Variants in CDKAL1 observed in about 807,000 individuals in gnomAD.
The protein encoded by CDKAL1 is threonylcarbamoyladenosine tRNA methylthiotransferase.
CDKAL1 carries 32 observed loss-of-function variants against 68.2 expected under a neutral mutation model. The observed-to-expected ratio is 0.47, with a 90% confidence interval of 0.35 to 0.63. CDKAL1 has a LOEUF of 0.63. Among genes scored for constraint, CDKAL1 ranks in the 30% least tolerant of loss-of-function variants. The probability of loss-of-function intolerance (pLI) is 0.00; values close to 1 mark genes in which losing one functional copy is unlikely to be tolerated. For synonymous variants in CDKAL1, 234 were observed against 244.3 expected (o/e 0.96, Z 0.39); for missense variants, 606 against 696.7 (o/e 0.87, Z 1.47).
At chr6:20,588,076 G>A (rs543210896) in intron 4 of CDKAL1, among the ~76,000 whole-genome samples, 4 of 152,106 alleles carry the variant, frequency 2.6e-5, no homozygotes, top group African/African-American at 4.8e-5. Flanking sequence ...CAGCCTGGGC[G>A]ACAGAGCAAG....
At chr6:21,049,930 A>C (rs1011070889) in intron 11 of CDKAL1, among the ~76,000 whole-genome samples, 2 of 151,098 alleles carry the variant, frequency 1.3e-5, no homozygotes, top group African/African-American at 4.9e-5. Flanking sequence ...AGTTTGTTGC[A>C]TTTTAAATTC....
Position 20,733,828 on chromosome 6 carries a change from G to C in CDKAL1, c.372-5691G>C, listed in dbSNP as rs537054185. ...GGGAATGATATTTTGTCATCTTTAA[G>C]TATTTTTTATTATGCTATGAATTTT... On this transcript the variant is annotated intron_variant, in intron 5 of 15. Coordinates refer to ENST00000274695, the MANE Select transcript of CDKAL1 (RefSeq NM_017774.3). Among the ~76,000 whole-genome samples the C allele has an allele frequency of 2.0e-5, 3 of 152,212 alleles. No individual in the cohort carries two copies. The South Asian group carries it at 6.2e-4, about 32-fold the overall frequency.
intron 15 of CDKAL1, among the ~76,000 whole-genome samples, chr6:21,227,068 C>G (rs1250817243): frequency 2.0e-5 from 3 of 152,184 alleles, no homozygotes; most frequent in African/African-American, 7.2e-5. Context: ...TTGAGCGATG[C>G]AGATATGTAT....
intron 13 of CDKAL1, among the ~76,000 whole-genome samples, chr6:21,165,892 T>C (rs1355286014): frequency 6.6e-6 from 1 of 152,200 alleles, no homozygotes; most frequent in Non-Finnish European, 1.5e-5. Context: ...ACACTTGAAC[T>C]TAAAGCCTAG....
At chr6:21,077,219 CTATTT>C (rs1772120627) in intron 12 of CDKAL1, among the ~76,000 whole-genome samples, 1 of 152,138 alleles carries the variant, frequency 6.6e-6, no homozygotes, top group African/African-American at 2.4e-5. Context: ...CTTTCACCTT[CTATTT>C]TATTATGAAT....
intron 5 of CDKAL1, among the ~76,000 whole-genome samples, chr6:20,707,176 A>T (rs1254089667): frequency 1.3e-5 from 2 of 152,184 alleles, no homozygotes; most frequent in Non-Finnish European, 2.9e-5. Context: ...GCATGATTTA[A>T]TTTGGAGCAG....
At chr6:20,556,930 C>T (rs1320448127) in intron 4 of CDKAL1, among the ~76,000 whole-genome samples, 1 of 150,970 alleles carries the variant, frequency 6.6e-6, no homozygotes, top group African/African-American at 2.4e-5. Context: ...CCCACCTACT[C>T]GGGAGGCTGA....
At chr6:21,011,167 A>T (rs1422461148) in intron 11 of CDKAL1, among the ~76,000 whole-genome samples, 1 of 150,956 alleles carries the variant, frequency 6.6e-6, no homozygotes, top group South Asian at 2.1e-4. Context: ...TCACAAGGTC[A>T]GGGGATTGAG....
At chr6:21,098,269 A>G (rs545784767) in intron 12 of CDKAL1, among the ~76,000 whole-genome samples, 5 of 152,348 alleles carry the variant, frequency 3.3e-5, no homozygotes, top group African/African-American at 1.2e-4. Context: ...TTACAGAGGA[A>G]TGACCAAGTA....
intron 13 of CDKAL1, among the ~76,000 whole-genome samples, chr6:21,164,492 G>A (rs1487509183): frequency 6.6e-6 from 1 of 152,080 alleles, no homozygotes; most frequent in East Asian, 1.9e-4. Flanking sequence ...AACACACACA[G>A]ACCGGGGCTG....
At chr6:21,041,118 A>C (rs550917581) in intron 11 of CDKAL1, among the ~76,000 whole-genome samples, 2 of 152,328 alleles carry the variant, frequency 1.3e-5, no homozygotes, top group East Asian at 3.9e-4. Context: ...TTTGGTAGGA[A>C]GCTGTGTTCT....
chr6:20,607,554 G>C (rs570075938), intron 4 of CDKAL1, among the ~76,000 whole-genome samples: 10 of 151,998 alleles, frequency 6.6e-5, no homozygotes, highest in African/African-American at 2.4e-4. Flanking sequence ...GGTGGCTACC[G>C]ATATTTACCA....
chr6:20,569,147 A>G (rs1174994668), intron 4 of CDKAL1, among the ~76,000 whole-genome samples: 2 of 152,210 alleles, frequency 1.3e-5, no homozygotes, highest in East Asian at 3.9e-4. Context: ...TTAGATGTAA[A>G]ACGTTGAATG....
chr6:20,895,315 T>C (rs1271412022), intron 9 of CDKAL1, among the ~76,000 whole-genome samples: 1 of 152,230 alleles, frequency 6.6e-6, no homozygotes, highest in African/African-American at 2.4e-5. Context: ...TAATGAACAT[T>C]TGCACTTATT....
chr6:20,565,139 C>CTATA (rs201868394), intron 4 of CDKAL1, among the ~76,000 whole-genome samples: 3 of 150,586 alleles, frequency 2.0e-5, no homozygotes, highest in African/African-American at 7.3e-5. Context: ...TCAAAGCTAT[C>CTATA]TATATATATA....
chr6:20,937,038 A>G (rs1219908734), intron 9 of CDKAL1, among the ~76,000 whole-genome samples: 1 of 152,192 alleles, frequency 6.6e-6, no homozygotes. Flanking sequence ...AAGTGTTACA[A>G]AAACAGTAAT....
intron 4 of CDKAL1, among the ~76,000 whole-genome samples, chr6:20,618,739 C>T (rs1010554202): frequency 4.0e-5 from 6 of 151,756 alleles, no homozygotes; most frequent in African/African-American, 2.4e-5. Flanking sequence ...AGTGTAGTGG[C>T]GCAGTCTTGG....
intron 9 of CDKAL1, among the ~76,000 whole-genome samples, chr6:20,898,544 C>T (rs564761178): frequency 4.0e-5 from 6 of 151,432 alleles, no homozygotes; most frequent in South Asian, 2.1e-4. Flanking sequence ...ATAATTCTGA[C>T]GTGGCCTTAC....
At chr6:20,715,674 A>G (rs942382761) in intron 5 of CDKAL1, among the ~76,000 whole-genome samples, 3 of 152,252 alleles carry the variant, frequency 2.0e-5, no homozygotes, top group East Asian at 3.9e-4. Context: ...ATTCCTTCCA[A>G]CAGTGCACAA....
Sources: gnomAD v4.1 joint callset for allele counts (sites outside exome capture counted in the v4.1 genomes callset) on GRCh38, gnomAD v4.1.1 for gene constraint, MANE v1.5 for transcripts, NCBI Gene and HGNC (gene_info 2026-07-23, HGNC 2026-07-21) for gene names.